Variants in TNRC18 observed in about 807,000 individuals in gnomAD.
TNRC18 encodes trinucleotide repeat-containing gene 18 protein.
Under a neutral mutation model 226.7 loss-of-function variants are expected in TNRC18, and 69 were observed. The ratio of observed to expected loss-of-function variants is 0.30; its 90% CI spans 0.25 to 0.37. TNRC18 has a LOEUF of 0.37. TNRC18 is among the 10% of genes least tolerant of loss of function. The pLI, the probability that TNRC18 is intolerant of heterozygous loss-of-function variation, is 1.00. For synonymous variants in TNRC18, 2,449 were observed against 1,927.6 expected (o/e 1.27, Z -7.09); for missense variants, 4,754 against 4,256.6 (o/e 1.12, Z -3.25).
chr7:5,320,867 G>A (rs182028524), intron 22 of TNRC18, among the ~76,000 whole-genome samples: 182 of 152,346 alleles, frequency 1.2e-3, no homozygotes, highest in Middle Eastern at 6.8e-3. Flanking sequence ...CGGAGCAGCC[G>A]CGCCCAGCCC....
chr7:5,379,721 T>C (rs1266815652), intron 5 of TNRC18, among the ~76,000 whole-genome samples: 2 of 152,198 alleles, frequency 1.3e-5, no homozygotes, highest in Non-Finnish European at 2.9e-5. Context: ...GGCCCGGGAA[T>C]GGGAGGAAGC....
At position 5,324,148 on chromosome 7, in the gene TNRC18, G is replaced by C. The variant is rs1174389160; in HGVS notation, c.6442+66C>G. On this transcript the variant is annotated intron_variant, in intron 21 of 29. Coordinates refer to ENST00000430969, the MANE Select transcript of TNRC18 (RefSeq NM_001080495.3). This position sits in a 1 kb window ranked among gnomAD's most constrained non-coding sequence, Gnocchi z 4.8. Reference sequence around the variant, plus strand: ...GCCCTTCAGTCTCAAGCCTTGCTCAGATCTGCCTCCCCCAAGGGAGGCTCC... The same window carrying C: ...GCCCTTCAGTCTCAAGCCTTGCTCACATCTGCCTCCCCCAAGGGAGGCTCC... 2 of 1,514,536 alleles carry C rather than the reference G, an allele frequency of 1.3e-6. No individual in the cohort carries two copies. The highest frequency in any genetic ancestry group is 1.4e-5 in the African/African-American group (1 of 72,672). The allele number at this position is 1,514,536 out of a possible 1,614,324, so 93.8% of individuals were successfully genotyped here.
chr7:5,389,534 A>G (rs1780133384), intron 4 of TNRC18, 198 bp from the exon 5 acceptor site: 1 of 543,386 alleles, frequency 1.8e-6, no homozygotes, highest in Admixed American at 5.1e-5. Context: ...GGCTCACTGC[A>G]ACCTCCACCT....
intron 11 of TNRC18, among the ~76,000 whole-genome samples, chr7:5,367,173 T>G (rs1004010540): frequency 6.6e-6 from 1 of 152,056 alleles, no homozygotes; most frequent in African/African-American, 2.4e-5. Context: ...AAGACCAGCA[T>G]GGCCAACATG....
Position 5,308,099 on chromosome 7 carries a change from G to A in TNRC18, c.*7C>T, listed in dbSNP as rs149959974. ...GGGGCACAGGTGGCCCGCAGGGCCC[G>A]GCGGGCTCAGCAGAGCACGGGCACG... On this transcript the variant is annotated 3_prime_UTR_variant, in exon 30 of 30. Transcript: ENST00000430969. The A allele has an allele frequency of 2.2e-5, 34 of 1,546,696 alleles. No individual in the cohort carries two copies. Among genetic ancestry groups the A allele is most frequent in the Middle Eastern group, 2.3e-4 (1 of 4,358 alleles).
intron 11 of TNRC18, among the ~76,000 whole-genome samples, chr7:5,364,296 A>T (rs1396859287): frequency 2.0e-5 from 3 of 152,134 alleles, no homozygotes; most frequent in Non-Finnish European, 2.9e-5. Flanking sequence ...CCAGCTCAAA[A>T]ACAAAATTAA....
In TNRC18 at chr7:5,388,897, G is replaced by T. The variant is rs1373250861; in HGVS notation, c.927C>A (p.Ala309=). ...GCAGCCGCGCGCCCTCGTCCTGCCG[G>T]GCAGCCTCCTTGGCACCCCCGCGCC... The part of the protein sequence containing the change: ...EAGRGGAKEA[A]RQDEGARLLR... Residue 309 remains alanine (A), a synonymous_variant, in exon 5 of 30, where the codon GCC becomes GCA. Coordinates refer to ENST00000430969, the MANE Select transcript of TNRC18 (RefSeq NM_001080495.3). 1.5e-6 allele frequency: 2 copies of T among 1,359,254 alleles called. No individual in the cohort carries two copies. The highest frequency in any genetic ancestry group is 1.4e-5 in the South Asian group (1 of 71,904). The allele number at this position is 1,359,254 out of a possible 1,614,324, so 84.2% of individuals were successfully genotyped here. A position where few individuals can be genotyped will look rare whatever the true frequency, so the allele number is the denominator to read the frequency against.
At chr7:5,343,246 C>T (rs1790853157) in intron 18 of TNRC18, among the ~76,000 whole-genome samples, 2 of 129,484 alleles carry the variant, frequency 1.5e-5, no homozygotes, top group Admixed American at 7.9e-5. Flanking sequence ...CCCAGCTACT[C>T]GGGAGGCTGA....
intron 2 of TNRC18, among the ~76,000 whole-genome samples, chr7:5,409,306 T>C (rs1781688712): frequency 6.6e-6 from 1 of 151,310 alleles, no homozygotes; most frequent in Admixed American, 6.6e-5. Context: ...ACAATTAATA[T>C]CCTAGTAATG....
chr7:5,357,279 G>A lies in TNRC18; in HGVS notation c.4834-3C>T, dbSNP rs1792540190. On this transcript the variant is annotated splice_polypyrimidine_tract_variant and splice_region_variant and intron_variant, in intron 15 of 29. Transcript: ENST00000430969. The stretch of plus-strand genomic sequence containing the variant: ...ATCTTCTTCTTCTTAATCTTTAGCT[G>A]GAGAGGGAAGGTGGGTCATGGGTTA... 49 of 1,607,316 alleles carry A rather than the reference G, an allele frequency of 3.0e-5. No homozygotes were observed. Among genetic ancestry groups the A allele is most frequent in the Non-Finnish European group, 4.1e-5 (48 of 1,176,642 alleles).
intron 2 of TNRC18, among the ~76,000 whole-genome samples, chr7:5,403,165 CTTT>C (rs567575917): frequency 1.4e-5 from 2 of 145,306 alleles, no homozygotes. Flanking sequence ...TTTATCTTCA[CTTT>C]TTTTTTTTTT....
chr7:5,335,148 C>A (rs1789961208), intron 18 of TNRC18, among the ~76,000 whole-genome samples: 1 of 150,964 alleles, frequency 6.6e-6, no homozygotes, highest in African/African-American at 2.4e-5. Context: ...GCTAAAAATA[C>A]AAAAATTAGC....
At chr7:5,317,406 A>G (rs1246148795) in intron 24 of TNRC18, among the ~76,000 whole-genome samples, 1 of 152,162 alleles carries the variant, frequency 6.6e-6, no homozygotes. Context: ...TCAGGCCAAC[A>G]TGGTGAAATC....
chr7:5,354,956 C>T (rs1056016971), intron 16 of TNRC18, among the ~76,000 whole-genome samples: 2 of 152,232 alleles, frequency 1.3e-5, no homozygotes, highest in South Asian at 2.1e-4. Flanking sequence ...GTCAAACTCC[C>T]CCTTCTCCGC....
chr7:5,343,264 G>C (rs1283855713), intron 18 of TNRC18, among the ~76,000 whole-genome samples: 3 of 152,116 alleles, frequency 2.0e-5, no homozygotes, highest in African/African-American at 7.2e-5. Context: ...TGAGGCAGGA[G>C]AATCACTTGA....
intron 3 of TNRC18, among the ~76,000 whole-genome samples, chr7:5,392,618 A>AAAAT (rs1054887111): frequency 6.6e-6 from 1 of 152,022 alleles, no homozygotes; most frequent in Non-Finnish European, 1.5e-5. Context: ...TCCATTTCAA[A>AAAAT]AAATAAATAA....
intron 5 of TNRC18, among the ~76,000 whole-genome samples, chr7:5,378,544 A>C (rs564629156): frequency 1.3e-5 from 2 of 150,922 alleles, no homozygotes; most frequent in Non-Finnish European, 3.0e-5. Context: ...TCAGCCTCCC[A>C]AGTAGCTGGG....
intron 3 of TNRC18, among the ~76,000 whole-genome samples, chr7:5,390,923 T>G (rs967508089): frequency 6.6e-6 from 1 of 151,922 alleles, no homozygotes; most frequent in Admixed American, 6.6e-5. Flanking sequence ...ACCAAGAGCT[T>G]TGCCACTGTC....
At chr7:5,355,337 C>T (rs1250230523) in intron 16 of TNRC18, among the ~76,000 whole-genome samples, 2 of 152,214 alleles carry the variant, frequency 1.3e-5, no homozygotes, top group African/African-American at 4.8e-5. Flanking sequence ...ATTTCAAGAG[C>T]TCAATAGCAG....
Sources: gnomAD v4.1 joint callset for allele counts (sites outside exome capture counted in the v4.1 genomes callset) on GRCh38, gnomAD v4.1.1 for gene constraint, Gnocchi (gnomAD v3.1) non-coding constraint, MANE v1.5 for transcripts, NCBI Gene and HGNC (gene_info 2026-07-23, HGNC 2026-07-21) for gene names.